Variants in AFG2A observed in about 807,000 individuals in gnomAD.
AFG2A encodes the protein AAA ATPase AFG2A.
chr4:123,016,578 G>A, the AFG2A span, among the ~76,000 whole-genome samples: 1 of 151,304 alleles, frequency 6.6e-6, no homozygotes, highest in Non-Finnish European at 1.5e-5. Context: ...GCCGGGTAGA[G>A]GTGCTCCTCA....
At chr4:123,124,565 C>G in the AFG2A span, among the ~76,000 whole-genome samples, 2 of 151,924 alleles carry the variant, frequency 1.3e-5, no homozygotes, top group Middle Eastern at 3.2e-3. Flanking sequence ...TATAGCACAC[C>G]AACATGGCAC....
the AFG2A span, among the ~76,000 whole-genome samples, chr4:123,109,349 G>A: frequency 6.6e-6 from 1 of 152,124 alleles, no homozygotes; most frequent in Non-Finnish European, 1.5e-5. Flanking sequence ...TTGGAACACA[G>A]CCACATTCAT....
chr4:122,964,347 T>C, the AFG2A span, among the ~76,000 whole-genome samples: 1 of 151,706 alleles, frequency 6.6e-6, no homozygotes, highest in Non-Finnish European at 1.5e-5. Context: ...CTACTAAAAA[T>C]GCAAAAATTA....
the AFG2A span, among the ~76,000 whole-genome samples, chr4:123,089,281 T>C: frequency 6.6e-6 from 1 of 152,232 alleles, no homozygotes; most frequent in Non-Finnish European, 1.5e-5. Context: ...TTATTAAATA[T>C]ATTACATGAT....
At chr4:123,248,827 T>A in the AFG2A span, among the ~76,000 whole-genome samples, 1 of 152,228 alleles carries the variant, frequency 6.6e-6, no homozygotes, top group African/African-American at 2.4e-5. Flanking sequence ...AACATTAACA[T>A]CTGCCATATA....
At chr4:123,134,944 A>G in the AFG2A span, among the ~76,000 whole-genome samples, 48 of 152,206 alleles carry the variant, frequency 3.2e-4, no homozygotes, top group African/African-American at 9.6e-4. Context: ...AAAGCCAGAC[A>G]AAGACATTAC....
At chr4:123,036,990 T>C in the AFG2A span, among the ~76,000 whole-genome samples, 46 of 152,268 alleles carry the variant, frequency 3.0e-4, no homozygotes, top group African/African-American at 8.9e-4. Flanking sequence ...TTCTATCTTA[T>C]GTGAGTTTGG....
the AFG2A span, among the ~76,000 whole-genome samples, chr4:123,098,731 G>C: frequency 6.6e-6 from 1 of 151,916 alleles, no homozygotes; most frequent in Non-Finnish European, 1.5e-5. Flanking sequence ...ATTACCTTCT[G>C]TATACATACC....
At chr4:123,038,424 T>G in the AFG2A span, among the ~76,000 whole-genome samples, 5 of 152,138 alleles carry the variant, frequency 3.3e-5, no homozygotes. Flanking sequence ...CAGCTTATGA[T>G]TCCTTAAGTT....
At chr4:123,026,304 A>G in the AFG2A span, among the ~76,000 whole-genome samples, 1 of 152,206 alleles carries the variant, frequency 6.6e-6, no homozygotes, top group Non-Finnish European at 1.5e-5. Flanking sequence ...ATTATTCACT[A>G]CAAAGCTTAA....
the AFG2A span, among the ~76,000 whole-genome samples, chr4:123,010,108 G>C: frequency 1.3e-5 from 2 of 152,108 alleles, no homozygotes; most frequent in Non-Finnish European, 2.9e-5. Flanking sequence ...AGAATCTGGA[G>C]TAAAACTCCA....
the AFG2A span, among the ~76,000 whole-genome samples, chr4:123,102,556 G>T: frequency 2.6e-4 from 39 of 151,976 alleles, no homozygotes; most frequent in Middle Eastern, 3.4e-3. Context: ...AGTTAGAATA[G>T]AAATATCTAA....
chr4:122,957,549 A>G, the AFG2A span, among the ~76,000 whole-genome samples: 1 of 152,328 alleles, frequency 6.6e-6, no homozygotes, highest in South Asian at 2.1e-4. Flanking sequence ...TGCATTGAGC[A>G]TAGGGAAAAA....
the AFG2A span, among the ~76,000 whole-genome samples, chr4:123,053,327 G>A: frequency 5.3e-5 from 8 of 152,308 alleles, no homozygotes; most frequent in South Asian, 2.1e-4. Context: ...CAGATACTCC[G>A]GCTGCGTGGA....
At chr4:123,104,594 C>G in the AFG2A span, among the ~76,000 whole-genome samples, 1 of 152,130 alleles carries the variant, frequency 6.6e-6, no homozygotes, top group East Asian at 1.9e-4. Context: ...AATGTTTAGC[C>G]AAGTTGTAAA....
At chr4:123,280,683 G>C in the AFG2A span, among the ~76,000 whole-genome samples, 3 of 152,270 alleles carry the variant, frequency 2.0e-5, no homozygotes, top group Non-Finnish European at 2.9e-5. Flanking sequence ...ATGCCTCCCT[G>C]TTCCACATTT....
chr4:123,074,095 A>ATTTTTTTTTT, the AFG2A span, among the ~76,000 whole-genome samples: 3,621 of 101,684 alleles, frequency 0.036, 331 homozygotes, highest in South Asian at 0.1. Context: ...CTCAGATAGT[A>ATTTTTTTTTT]TTTTTTTTTT....
At chr4:123,115,344 G>C in the AFG2A span, among the ~76,000 whole-genome samples, 19 of 152,056 alleles carry the variant, frequency 1.2e-4, no homozygotes, top group Non-Finnish European at 2.4e-4. Flanking sequence ...TTGCAGCGTC[G>C]GTGGCCCGGG....
the AFG2A span, among the ~76,000 whole-genome samples, chr4:123,118,964 A>G: frequency 6.9e-4 from 105 of 152,238 alleles, no homozygotes; most frequent in African/African-American, 2.4e-3. Context: ...CCTCTTTTCT[A>G]AACCATATTT....
Sources: gnomAD v4.1 joint callset for allele counts (sites outside exome capture counted in the v4.1 genomes callset) on GRCh38, gnomAD v4.1.1 for gene constraint, MANE v1.5 for transcripts, NCBI Gene and HGNC (gene_info 2026-07-23, HGNC 2026-07-21) for gene names.